Variants in FRK observed in about 807,000 individuals in gnomAD.
FRK encodes fyn related Src family tyrosine kinase.
Under a neutral mutation model 56.4 loss-of-function variants are expected in FRK, and 51 were observed. That is an observed-to-expected ratio of 0.90 (90% CI 0.72 to 1.14). FRK has a LOEUF of 1.14. FRK is among the 50% of genes most tolerant of loss of function. FRK has a pLI of 0.00. For missense variants in FRK, 570 were observed against 601.4 expected, an observed-to-expected ratio of 0.95 and a Z score of 0.55; for synonymous variants, 245 against 217.9, an observed-to-expected ratio of 1.12 and a Z score of -1.10.
At chr6:116,074,657 G>C in the FRK span, among the ~76,000 whole-genome samples, 1 of 152,192 alleles carries the variant, frequency 6.6e-6, no homozygotes, top group South Asian at 2.1e-4. Flanking sequence ...CCAAAAACTT[G>C]TCTTGAGATT....
At chr6:115,952,366 A>T (rs545351967) in intron 5 of FRK, among the ~76,000 whole-genome samples, 2 of 152,270 alleles carry the variant, frequency 1.3e-5, no homozygotes, top group Admixed American at 6.5e-5. Flanking sequence ...TCAAAACCAC[A>T]ATGAAATACC....
At chr6:116,036,154 A>G (rs1776472902) in intron 1 of FRK, among the ~76,000 whole-genome samples, 1 of 152,126 alleles carries the variant, frequency 6.6e-6, no homozygotes, top group African/African-American at 2.4e-5. Flanking sequence ...CTTAAACTAG[A>G]TCAGCAACTT....
chr6:115,957,562 G>A (rs562819), intron 4 of FRK, among the ~76,000 whole-genome samples: 110,783 of 152,180 alleles, frequency 0.73, 40,653 homozygotes, highest in South Asian at 0.89. Flanking sequence ...TCATCCTCTC[G>A]ATGTTGAAGA....
chr6:115,996,655 C>T (rs1054481427), intron 2 of FRK, among the ~76,000 whole-genome samples: 7 of 152,158 alleles, frequency 4.6e-5, no homozygotes, highest in South Asian at 2.1e-4. Context: ...TATCTCTGCA[C>T]GTTGTAGACT....
rs1777589586 is a variant in FRK at position 116,060,515 on chromosome 6, G to A, written c.-204C>T. On this transcript the variant is annotated 5_prime_UTR_variant, in exon 1 of 8. Transcript: ENST00000606080. Reference sequence around the variant, plus strand: ...GGAGAGACTTACCGGCTTGCTTTCTGTGGCTGGAGGTGCTACCCCGAGGCA... The same window carrying A: ...GGAGAGACTTACCGGCTTGCTTTCTATGGCTGGAGGTGCTACCCCGAGGCA... The A allele has an allele frequency of 1.8e-6, 1 of 547,186 alleles. No homozygotes were observed. The highest frequency in any genetic ancestry group is 3.2e-6 in the Non-Finnish European group (1 of 309,044). The allele number at this position is 547,186 out of a possible 1,614,324, so 33.9% of individuals were successfully genotyped here.
chr6:116,055,283 C>T (rs753848909), intron 1 of FRK, among the ~76,000 whole-genome samples: 10 of 152,166 alleles, frequency 6.6e-5, no homozygotes, highest in Admixed American at 2.0e-4. Flanking sequence ...AATCCCATTA[C>T]TTTTATACTT....
At chr6:115,947,605 T>C (rs1236368011) in intron 5 of FRK, among the ~76,000 whole-genome samples, 3 of 152,096 alleles carry the variant, frequency 2.0e-5, no homozygotes, top group Non-Finnish European at 4.4e-5. Flanking sequence ...AGGGATGCAT[T>C]TCAAAATGGT....
chr6:116,028,203 C>T (rs1776166976), intron 1 of FRK, among the ~76,000 whole-genome samples: 1 of 152,036 alleles, frequency 6.6e-6, no homozygotes, highest in Admixed American at 6.6e-5. Flanking sequence ...TACTCAGTAC[C>T]ATCAGTATTT....
chr6:116,045,953 A>T (rs1392633979), intron 1 of FRK, among the ~76,000 whole-genome samples: 2 of 151,462 alleles, frequency 1.3e-5, no homozygotes, highest in African/African-American at 4.9e-5. Flanking sequence ...CAAGAAAAAA[A>T]CAAACAACCC....
Position 115,939,910 on chromosome 6 carries a change from C to A in FRK, c.*2504G>T, listed in dbSNP as rs1582623144. ...GTGAAAATGGCCATATTGCCCAAGG[C>A]AATTTATATATTCAGTGCTATCCCC... On this transcript the variant is annotated 3_prime_UTR_variant, in exon 8 of 8. Transcript: ENST00000606080. 6.6e-6 allele frequency: 1 copy of A among 152,144 alleles called. No homozygotes were observed. Among genetic ancestry groups the A allele is most frequent in the South Asian group, 2.1e-4 (1 of 4,814 alleles). The allele number at this position is 152,144 out of a possible 1,614,324, so 9.4% of individuals were successfully genotyped here.
chr6:115,960,053 G>A (rs983421803), intron 4 of FRK, among the ~76,000 whole-genome samples: 6 of 152,148 alleles, frequency 3.9e-5, no homozygotes, highest in African/African-American at 7.2e-5. Context: ...CAAGATGGCC[G>A]AATAGGAACA....
chr6:116,052,219 T>G (rs1302829471), intron 1 of FRK, among the ~76,000 whole-genome samples: 1 of 152,190 alleles, frequency 6.6e-6, no homozygotes, highest in Non-Finnish European at 1.5e-5. Flanking sequence ...AGCAACTAAT[T>G]TCTGAGAACC....
At chr6:115,946,853 T>C (rs989696155) in intron 5 of FRK, among the ~76,000 whole-genome samples, 8 of 152,104 alleles carry the variant, frequency 5.3e-5, no homozygotes, top group Non-Finnish European at 1.0e-4. Context: ...AGTAAGTCCA[T>C]GAAGAAAAGG....
chr6:115,975,431 C>G (rs1488310041), intron 2 of FRK, among the ~76,000 whole-genome samples: 2 of 152,112 alleles, frequency 1.3e-5, no homozygotes, highest in East Asian at 3.9e-4. Flanking sequence ...TAATCAAATA[C>G]AGAATACGAA....
At chr6:116,004,401 T>G (rs537357454) in intron 1 of FRK, among the ~76,000 whole-genome samples, 4 of 152,140 alleles carry the variant, frequency 2.6e-5, no homozygotes, top group Non-Finnish European at 5.9e-5. Flanking sequence ...ACCTCTGAGC[T>G]GTTAGGAGGC....
At chr6:116,001,173 G>A (rs1221036174) in intron 2 of FRK, among the ~76,000 whole-genome samples, 2 of 151,916 alleles carry the variant, frequency 1.3e-5, no homozygotes, top group African/African-American at 4.8e-5. Flanking sequence ...AGAAGGGAGA[G>A]GTTGCAGTGA....
intron 2 of FRK, among the ~76,000 whole-genome samples, chr6:115,985,270 C>T (rs1175410834): frequency 3.3e-5 from 5 of 152,136 alleles, no homozygotes; most frequent in African/African-American, 1.2e-4. Flanking sequence ...AATAGCATCA[C>T]TAAGCCCGGC....
At chr6:115,993,566 C>T (rs1476645334) in intron 2 of FRK, among the ~76,000 whole-genome samples, 2 of 151,726 alleles carry the variant, frequency 1.3e-5, no homozygotes, top group Admixed American at 6.6e-5. Context: ...AGGGCTTGGC[C>T]TGACTTCACC....
At chr6:115,949,366 T>C (rs775257890) in intron 5 of FRK, among the ~76,000 whole-genome samples, 1 of 152,218 alleles carries the variant, frequency 6.6e-6, no homozygotes, top group Non-Finnish European at 1.5e-5. Flanking sequence ...TGTGCCAGTT[T>C]TCAAAGGGAA....
Sources: gnomAD v4.1 joint callset for allele counts (sites outside exome capture counted in the v4.1 genomes callset) on GRCh38, gnomAD v4.1.1 for gene constraint, MANE v1.5 for transcripts, NCBI Gene and HGNC (gene_info 2026-07-23, HGNC 2026-07-21) for gene names.